The following PPP2R2B variants were observed in gnomAD, a reference collection of about 807,000 sequenced individuals.
PPP2R2B encodes protein phosphatase 2 regulatory subunit Bbeta, also known as serine/threonine-protein phosphatase 2A 55 kDa regulatory subunit B beta isoform.
PPP2R2B carries 5 observed loss-of-function variants against 46.0 expected under a neutral mutation model. The ratio of observed to expected loss-of-function variants is 0.11; its 90% confidence interval spans 0.06 to 0.23. The LOEUF is 0.23. Ranked by LOEUF, PPP2R2B falls within the 10% of genes least tolerant of loss-of-function variation. The pLI is 1.00. For synonymous variants in PPP2R2B, 215 were observed against 206.7 expected (o/e 1.04, Z -0.34); for missense variants, 367 against 575.0 (o/e 0.64, Z 3.70).
At chr5:146,823,689 A>G (rs1758408591) in intron 2 of PPP2R2B, among the ~76,000 whole-genome samples, 1 of 152,108 alleles carries the variant, frequency 6.6e-6, no homozygotes, top group Non-Finnish European at 1.5e-5. Flanking sequence ...CATGACAAAC[A>G]TATGTTGTTC....
At chr5:146,832,377 A>ATTTTTTTT (rs1443028400) in intron 2 of PPP2R2B, among the ~76,000 whole-genome samples, 1 of 104,298 alleles carries the variant, frequency 9.6e-6, no homozygotes, top group Non-Finnish European at 2.0e-5. Context: ...GCCATTTTTA[A>ATTTTTTTT]TCTTTTTTTT....
intron 1 of PPP2R2B, among the ~76,000 whole-genome samples, chr5:147,010,802 A>G (rs974478911): frequency 6.6e-6 from 1 of 151,984 alleles, no homozygotes; most frequent in Admixed American, 6.6e-5. Flanking sequence ...TGTGTCTCAC[A>G]CTTACTCCAT....
upstream of PPP2R2B, chr5:147,081,506 T>G (rs1278139913): frequency 1.7e-6 from 1 of 584,722 alleles, no homozygotes; most frequent in Non-Finnish European, 3.0e-6. Context: ...CTTTTGATTG[T>G]TTTCCTTCTG....
At chr5:146,964,650 C>A (rs1238088389) in intron 1 of PPP2R2B, among the ~76,000 whole-genome samples, 1 of 152,038 alleles carries the variant, frequency 6.6e-6, no homozygotes, top group African/African-American at 2.4e-5. Flanking sequence ...CTCAGCTTCC[C>A]GAGTAGCTGG....
chr5:146,647,772 G>C (rs752418706), intron 6 of PPP2R2B, among the ~76,000 whole-genome samples: 14 of 152,190 alleles, frequency 9.2e-5, no homozygotes, highest in Non-Finnish European at 2.1e-4. Context: ...AGCTGAGCCT[G>C]AGCAGATTTC....
chr5:147,042,379 A>G (rs1201174736), intron 1 of PPP2R2B, among the ~76,000 whole-genome samples: 1 of 152,152 alleles, frequency 6.6e-6, no homozygotes, highest in Non-Finnish European at 1.5e-5. Flanking sequence ...TCGCTCAGGT[A>G]CAACAACAGG....
chr5:146,951,796 T>C (rs1207199623), intron 1 of PPP2R2B, among the ~76,000 whole-genome samples: 1 of 152,094 alleles, frequency 6.6e-6, no homozygotes, highest in African/African-American at 2.4e-5. Flanking sequence ...GTGTTTGCTA[T>C]TGTGAATAGT....
At chr5:146,788,669 T>C (rs550308100) in intron 2 of PPP2R2B, among the ~76,000 whole-genome samples, 1 of 152,292 alleles carries the variant, frequency 6.6e-6, no homozygotes, top group Admixed American at 6.5e-5. Context: ...AGGCAGATGT[T>C]GCAGTGGTCC....
intron 1 of PPP2R2B, among the ~76,000 whole-genome samples, chr5:146,917,211 C>T (rs1030054332): frequency 1.3e-5 from 2 of 152,020 alleles, no homozygotes; most frequent in Non-Finnish European, 2.9e-5. Context: ...TAATAACCAG[C>T]GACATGGGCT....
intron 5 of PPP2R2B, among the ~76,000 whole-genome samples, chr5:146,673,806 G>T (rs991422481): frequency 1.3e-5 from 2 of 152,122 alleles, no homozygotes; most frequent in African/African-American, 4.8e-5. Flanking sequence ...TCAAAAACAG[G>T]CATTAGAGGT....
chr5:146,662,228 G>T (rs1776718360), intron 5 of PPP2R2B, among the ~76,000 whole-genome samples: 1 of 152,116 alleles, frequency 6.6e-6, no homozygotes, highest in African/African-American at 2.4e-5. Flanking sequence ...AGTTACCTGA[G>T]AAGTCATTTA....
chr5:146,947,703 A>C (rs982693775), intron 1 of PPP2R2B, among the ~76,000 whole-genome samples: 1 of 151,850 alleles, frequency 6.6e-6, no homozygotes, highest in African/African-American at 2.4e-5. Flanking sequence ...TCTGTGAGAG[A>C]TCTAACGGCC....
chr5:146,581,867 A>C lies in PPP2R2B; in HGVS notation c.*8080T>G, dbSNP rs1274000497. The C allele has an allele frequency of 6.6e-6, 1 of 152,262 alleles. No individual in the cohort carries two copies. Among genetic ancestry groups the C allele is most frequent in the African/African-American group, 2.4e-5 (1 of 41,478 alleles). 9.4% of individuals were successfully genotyped at this position (152,262 alleles called of 1,614,324 possible). ...GTTGAAAACCAATGGTCTAGATGAA[A>C]TATGACTTTCAATTATGCCACAGTC... On this transcript the variant is annotated 3_prime_UTR_variant, in exon 10 of 10. Coordinates refer to ENST00000394411, the MANE Select transcript of PPP2R2B (RefSeq NM_181675.4).
At chr5:146,942,865 T>G (rs2151830249) in intron 1 of PPP2R2B, among the ~76,000 whole-genome samples, 1 of 152,120 alleles carries the variant, frequency 6.6e-6, no homozygotes, top group South Asian at 2.1e-4. Context: ...TGGCATGATC[T>G]TGGCTCACTG....
chr5:146,994,824 G>T (rs1476526742), intron 1 of PPP2R2B, among the ~76,000 whole-genome samples: 1 of 152,202 alleles, frequency 6.6e-6, no homozygotes, highest in Non-Finnish European at 1.5e-5. Context: ...TGCAAGAGAT[G>T]CAGTGGTAGT....
At chr5:147,068,657 G>A (rs1380642188) in intron 2 of PPP2R2B, among the ~76,000 whole-genome samples, 1 of 152,214 alleles carries the variant, frequency 6.6e-6, no homozygotes, top group Non-Finnish European at 1.5e-5. Context: ...TACACCTGAT[G>A]AGAAGCTGCG....
intron 2 of PPP2R2B, among the ~76,000 whole-genome samples, chr5:146,795,794 A>G (rs78682355): frequency 0.027 from 4,175 of 152,280 alleles, 98 homozygotes; most frequent in Middle Eastern, 0.051. Context: ...CTGTTTTGTC[A>G]ATTACATCTC....
rs559800165 is a variant in PPP2R2B at position 146,629,809 on chromosome 5, C to A, written c.790+8442G>T. On this transcript the variant is annotated intron_variant, in intron 7 of 9. Coordinates refer to ENST00000394411, the MANE Select transcript of PPP2R2B (RefSeq NM_181675.4). ...TTCCCCTTTCTCCTTTCTTTCCTTC[C>A]CCTCTCCCTCTCCCTCTCCCTTGCC... is the stretch of plus-strand genomic sequence containing the variant. 4.6e-5 allele frequency among the ~76,000 whole-genome samples: 7 copies of A among 151,036 alleles called. No homozygotes were observed. The East Asian group carries it at 1.4e-3, about 30-fold the overall frequency.
At chr5:146,714,395 G>A (rs1373160733) in intron 2 of PPP2R2B, among the ~76,000 whole-genome samples, 1 of 152,072 alleles carries the variant, frequency 6.6e-6, no homozygotes, top group Admixed American at 6.6e-5. Flanking sequence ...TTGAAGAGTA[G>A]CAAAGAAATG....
Sources: allele counts gnomAD v4.1 joint callset (sites outside exome capture counted in the v4.1 genomes callset), GRCh38; gene constraint gnomAD v4.1.1; transcripts MANE v1.5; gene names NCBI Gene and HGNC (gene_info 2026-07-23, HGNC 2026-07-21).